Variants in EMCN observed in about 807,000 individuals in gnomAD.
The protein encoded by EMCN is endomucin.
In EMCN, 37 loss-of-function variants were observed where a neutral mutation model predicts 38.4. That is an observed-to-expected ratio of 0.96 (90% CI 0.74 to 1.27). The LOEUF is 1.27. EMCN is among the 50% of genes most tolerant of loss of function. The probability of loss-of-function intolerance (pLI) is 0.00; values close to 1 mark genes in which losing one functional copy is unlikely to be tolerated. For missense variants in EMCN, 318 were observed against 302.8 expected (o/e 1.05, Z -0.37); for synonymous variants, 95 against 100.8 (o/e 0.94, Z 0.35).
chr4:100,425,655 T>C (rs72690392), intron 5 of EMCN, among the ~76,000 whole-genome samples: 25,655 of 151,466 alleles, frequency 0.17, 2,506 homozygotes, highest in Middle Eastern at 0.31. Flanking sequence ...GAATGTGATA[T>C]TAATATGTAT....
At chr4:100,422,349 C>T (rs1726911828) in intron 7 of EMCN, among the ~76,000 whole-genome samples, 1 of 151,930 alleles carries the variant, frequency 6.6e-6, no homozygotes, top group Non-Finnish European at 1.5e-5. Flanking sequence ...TCTATGATGA[C>T]TTATTTAATG....
At chr4:100,460,196 A>C (rs539950372) in intron 4 of EMCN, among the ~76,000 whole-genome samples, 14 of 152,236 alleles carry the variant, frequency 9.2e-5, no homozygotes, top group African/African-American at 3.4e-4. Flanking sequence ...GAATATTTTC[A>C]TATGTCTGTT....
At chr4:100,438,510 C>T (rs954952807) in intron 5 of EMCN, among the ~76,000 whole-genome samples, 2 of 151,970 alleles carry the variant, frequency 1.3e-5, no homozygotes, top group African/African-American at 2.4e-5. Flanking sequence ...GGAATCATTA[C>T]ACATAAGATT....
At chr4:100,406,820 T>G (rs544048953) in intron 11 of EMCN, among the ~76,000 whole-genome samples, 1 of 152,290 alleles carries the variant, frequency 6.6e-6, no homozygotes, top group African/African-American at 2.4e-5. Context: ...TCCAATATCA[T>G]CAGTGGGGTG....
intron 5 of EMCN, among the ~76,000 whole-genome samples, chr4:100,432,842 A>G (rs935036549): frequency 2.0e-5 from 3 of 152,150 alleles, no homozygotes; most frequent in African/African-American, 7.2e-5. Context: ...ATAAATTTTT[A>G]AAAATAAATT....
At chr4:100,413,212 A>G (rs1426072282) in intron 10 of EMCN, among the ~76,000 whole-genome samples, 1 of 152,156 alleles carries the variant, frequency 6.6e-6, no homozygotes, top group Non-Finnish European at 1.5e-5. Flanking sequence ...CAAATAAAGT[A>G]AATTGTAACA....
intron 4 of EMCN, among the ~76,000 whole-genome samples, chr4:100,459,188 T>G (rs1728102586): frequency 4.6e-5 from 1 of 21,512 alleles, no homozygotes; most frequent in African/African-American, 4.1e-4. Context: ...TCTCTCTCTC[T>G]CTCTCTCTCT....
chr4:100,473,724 A>C (rs1419483426), intron 3 of EMCN: 3 of 152,194 alleles, frequency 2.0e-5, no homozygotes, highest in Non-Finnish European at 4.4e-5. Context: ...CAAAGAACTC[A>C]AACCTTGACG....
At chr4:100,492,577 G>T (rs1332291086) in intron 1 of EMCN, among the ~76,000 whole-genome samples, 1 of 151,898 alleles carries the variant, frequency 6.6e-6, no homozygotes, top group Admixed American at 6.6e-5. Context: ...AATCAAATTC[G>T]ATCCAAATAT....
chr4:100,511,680 G>A (rs1047871156), intron 1 of EMCN, among the ~76,000 whole-genome samples: 20 of 152,244 alleles, frequency 1.3e-4, no homozygotes, highest in South Asian at 1.0e-3. Context: ...AAGAAGGGTA[G>A]TACATATTAA....
At position 100,420,844 on chromosome 4, in the gene EMCN, G is replaced by A. The variant is rs73833325; in HGVS notation, c.664+438C>T. 6.7e-3 allele frequency among the ~76,000 whole-genome samples: 1,021 copies of A among 152,012 alleles called. 12 individuals carry two copies. The highest frequency in any genetic ancestry group is 0.023 in the African/African-American group (940 of 41,486). ...TAACATGGTCTTGGAAGATACTTTC[G>A]TTGGGTGTGTCTCCCAGGAGGGAAA... On this transcript the variant is annotated intron_variant, in intron 8 of 11. Transcript: ENST00000296420.
chr4:100,434,404 G>T (rs1385868932), intron 5 of EMCN, among the ~76,000 whole-genome samples: 1 of 80,426 alleles, frequency 1.2e-5, no homozygotes, highest in Non-Finnish European at 3.2e-5. Context: ...AAAAAAAAAA[G>T]CCTGGGACTG....
At chr4:100,411,950 G>T (rs553279313) in intron 10 of EMCN, among the ~76,000 whole-genome samples, 2 of 151,174 alleles carry the variant, frequency 1.3e-5, no homozygotes, top group African/African-American at 4.9e-5. Context: ...TTACTCTGTG[G>T]TTTTTTTTTG....
At chr4:100,462,031 T>C (rs1728193350) in intron 4 of EMCN, among the ~76,000 whole-genome samples, 2 of 152,136 alleles carry the variant, frequency 1.3e-5, no homozygotes, top group East Asian at 1.9e-4. Context: ...ACTTGGCAAA[T>C]GGAAATGTGT....
chr4:100,395,770 A>G lies in EMCN; in HGVS notation c.*2643T>C, dbSNP rs1271015925. On this transcript the variant is annotated 3_prime_UTR_variant, in exon 12 of 12. Transcript: ENST00000296420. Reference sequence around the variant, plus strand: ...ATTTGTCAACCATATGTAACAGAATAGTTCAGTTCAGCAAGGGGAATTCAG... The same window carrying G: ...ATTTGTCAACCATATGTAACAGAATGGTTCAGTTCAGCAAGGGGAATTCAG... 2 of 152,276 alleles carry G rather than the reference A, an allele frequency of 1.3e-5. No individual in the cohort carries two copies. Among genetic ancestry groups the G allele is most frequent in the Middle Eastern group, 3.4e-3 (1 of 294 alleles). 9.4% of individuals were successfully genotyped at this position (152,276 alleles called of 1,614,324 possible). A position where few individuals can be genotyped will look rare whatever the true frequency, so the allele number is the denominator to read the frequency against.
intron 5 of EMCN, among the ~76,000 whole-genome samples, chr4:100,437,683 T>C (rs1309493628): frequency 6.6e-6 from 1 of 152,172 alleles, no homozygotes; most frequent in Non-Finnish European, 1.5e-5. Context: ...TTGTGTGCTG[T>C]TGGTGTCTTT....
At chr4:100,418,898 A>G (rs1169260763) in intron 8 of EMCN, among the ~76,000 whole-genome samples, 4 of 152,116 alleles carry the variant, frequency 2.6e-5, no homozygotes, top group Non-Finnish European at 2.9e-5. Context: ...TGTTAAGCGT[A>G]TATACCCAGC....
At chr4:100,405,913 G>A (rs184812821) in intron 11 of EMCN, among the ~76,000 whole-genome samples, 123 of 152,056 alleles carry the variant, frequency 8.1e-4, no homozygotes, top group East Asian at 6.4e-3. Context: ...TGCATTATTG[G>A]TCTGTTCAGG....
chr4:100,419,920 G>A lies in EMCN; in HGVS notation c.664+1362C>T, dbSNP rs117353662. On this transcript the variant is annotated intron_variant, in intron 8 of 11. Transcript: ENST00000296420. ...TCCATGCAATGCATGGTGAGCAGGT[G>A]GCTTTAGGGATAGCATTCACTGGTG... Among the ~76,000 whole-genome samples, 35 of 152,168 alleles carry A rather than the reference G, an allele frequency of 2.3e-4. No individual in the cohort carries two copies. The East Asian group carries it at 6.7e-3, about 29-fold the overall frequency.
Sources: gnomAD v4.1 joint callset for allele counts (sites outside exome capture counted in the v4.1 genomes callset) on GRCh38, gnomAD v4.1.1 for gene constraint, MANE v1.5 for transcripts, NCBI Gene and HGNC (gene_info 2026-07-23, HGNC 2026-07-21) for gene names.